The following UBOX5 variants were observed in gnomAD, a reference collection of about 807,000 sequenced individuals.
The protein encoded by UBOX5 is U-box domain containing 5, also known as RING finger protein 37.
Under a neutral mutation model 39.0 loss-of-function variants are expected in UBOX5, and 28 were observed. The ratio of observed to expected loss-of-function variants is 0.72; its 90% CI spans 0.53 to 0.98. UBOX5 has a LOEUF of 0.98. Ranked by LOEUF, UBOX5 falls within the 50% of genes least tolerant of loss-of-function variation. The pLI is 0.00. For synonymous variants in UBOX5, 283 were observed against 275.5 expected, an observed-to-expected ratio of 1.03 and a Z score of -0.27; for missense variants, 585 against 674.4, an observed-to-expected ratio of 0.87 and a Z score of 1.47.
At chr20:3,154,431 T>G (rs1488882772) in intron 1 of UBOX5, among the ~76,000 whole-genome samples, 1 of 152,336 alleles carries the variant, frequency 6.6e-6, no homozygotes, top group East Asian at 1.9e-4. Flanking sequence ...CCTGTAATCA[T>G]AGTACTCTGG....
chr20:3,143,446 G>T (rs931930180), intron 1 of UBOX5, among the ~76,000 whole-genome samples: 2 of 150,416 alleles, frequency 1.3e-5, no homozygotes, highest in East Asian at 2.0e-4. Flanking sequence ...ACTCATAAAA[G>T]AAGTTTTAAA....
chr20:3,133,042 A>G (rs8114052), intron 1 of UBOX5, among the ~76,000 whole-genome samples: 59,206 of 152,022 alleles, frequency 0.39, 11,634 homozygotes, highest in East Asian at 0.42. Context: ...TGAAGATCAA[A>G]TTGAAATATG....
Position 3,109,571 on chromosome 20 carries a change from TGTGA to T in UBOX5, c.*531_*534del. ...TGGGTGCAGGTGGGCGACAGGAGTG[TGTGA>T]CACAGACAGGCACTCCACCAGGAGG... On this transcript the variant is annotated 3_prime_UTR_variant, in exon 5 of 5. Coordinates refer to ENST00000217173, the MANE Select transcript of UBOX5 (RefSeq NM_014948.4). 1.1e-4 allele frequency: 19 copies of T among 171,510 alleles called. No homozygotes were observed. The highest frequency in any genetic ancestry group is 8.6e-4 in the South Asian group (6 of 6,954). 10.6% of individuals were successfully genotyped at this position (171,510 alleles called of 1,614,324 possible).
chr20:3,138,241 C>A (rs181271414), intron 1 of UBOX5, among the ~76,000 whole-genome samples: 310 of 150,686 alleles, frequency 2.1e-3, no homozygotes, highest in African/African-American at 7.2e-3. Context: ...CCACTGCACT[C>A]CATCCAGCCT....
At chr20:3,148,160 G>A in intron 1 of UBOX5, 1 of 1,613,772 alleles carries the variant, frequency 6.2e-7, no homozygotes, top group Non-Finnish European at 8.5e-7. Flanking sequence ...AAGGATCAAT[G>A]ATTCCAATTT....
rs146802009 is a variant in UBOX5, at chr20:3,136,708, T to C, written c.-41-13302A>G. Reference sequence around the variant, plus strand: ...TCTTGTTCTGTTGCCCAGGCTGGAGTGCAGTGGCATGATCTCAGCTCACTG... The same window carrying C: ...TCTTGTTCTGTTGCCCAGGCTGGAGCGCAGTGGCATGATCTCAGCTCACTG... On this transcript the variant is annotated intron_variant, in intron 1 of 4. Transcript: ENST00000217173. Among the ~76,000 whole-genome samples, 1,259 of 151,242 alleles carry C rather than the reference T, an allele frequency of 8.3e-3. 21 individuals carry two copies. Among genetic ancestry groups the C allele is most frequent in the African/African-American group, 0.029 (1,180 of 41,160 alleles).
intron 1 of UBOX5, among the ~76,000 whole-genome samples, chr20:3,145,594 A>G (rs1175405149): frequency 1.3e-5 from 2 of 151,956 alleles, no homozygotes; most frequent in Non-Finnish European, 2.9e-5. Context: ...GCACACCACC[A>G]CGCCTGGCTA....
At chr20:3,123,191 CTAAAG>C in intron 2 of UBOX5, 116 bp downstream of exon 2, 1 of 1,027,466 alleles carries the variant, frequency 9.7e-7, no homozygotes, top group Admixed American at 1.9e-5. Flanking sequence ...CTGATGGAAT[CTAAAG>C]TAACAAGAGC....
intron 3 of UBOX5, among the ~76,000 whole-genome samples, chr20:3,119,063 A>G (rs2066314890): frequency 1.3e-5 from 2 of 152,256 alleles, no homozygotes; most frequent in South Asian, 4.1e-4. Context: ...TTAATATTAT[A>G]AATAAGCAAT....
intron 1 of UBOX5, among the ~76,000 whole-genome samples, chr20:3,139,644 C>T (rs2066499780): frequency 1.3e-5 from 2 of 152,148 alleles, no homozygotes; most frequent in African/African-American, 4.8e-5. Flanking sequence ...AAACTCCTGA[C>T]CTCAGGTGAT....
chr20:3,148,141 TA>T, intron 1 of UBOX5: 4 of 1,613,842 alleles, frequency 2.5e-6, no homozygotes, highest in Non-Finnish European at 3.4e-6. Context: ...TGATCAAATC[TA>T]TATATTTAAG....
At chr20:3,118,938 CA>C (rs201266231) in intron 3 of UBOX5, among the ~76,000 whole-genome samples, 3 of 148,592 alleles carry the variant, frequency 2.0e-5, no homozygotes, top group Non-Finnish European at 3.0e-5. Context: ...GACTCCATCT[CA>C]AAAAAAAAGG....
In UBOX5 at chr20:3,109,356, A is replaced by G. The variant is rs2066235346; in HGVS notation, c.*750T>C. On this transcript the variant is annotated 3_prime_UTR_variant, in exon 5 of 5. Transcript: ENST00000217173. ...GCAGTTTCTGAAGCCAGCTGAGCAC[A>G]GCTGGCACTGGCCAGAGGGAGCCCT... 2 of 152,308 alleles carry G rather than the reference A, an allele frequency of 1.3e-5. No homozygotes were observed. The highest frequency in any genetic ancestry group is 4.1e-4 in the South Asian group (2 of 4,838). 9.4% of individuals were successfully genotyped at this position (152,308 alleles called of 1,614,324 possible).
chr20:3,158,170 T>G (rs1200427495), intron 1 of UBOX5, among the ~76,000 whole-genome samples: 1 of 152,104 alleles, frequency 6.6e-6, no homozygotes, highest in African/African-American at 2.4e-5. Context: ...AGTTTCCCTA[T>G]GTTGCCCCCA....
chr20:3,152,240 G>A (rs2066636252), intron 1 of UBOX5, among the ~76,000 whole-genome samples: 1 of 151,912 alleles, frequency 6.6e-6, no homozygotes, highest in Non-Finnish European at 1.5e-5. Context: ...CAGCACTTTG[G>A]GAGGCTGAGG....
At chr20:3,116,905 G>A (rs1238490282) in intron 3 of UBOX5, among the ~76,000 whole-genome samples, 1 of 152,038 alleles carries the variant, frequency 6.6e-6, no homozygotes, top group Non-Finnish European at 1.5e-5. Flanking sequence ...AGACCAGCCT[G>A]GTCAACATGG....
At chr20:3,113,426 G>A (rs970394488) in intron 4 of UBOX5, among the ~76,000 whole-genome samples, 1 of 152,104 alleles carries the variant, frequency 6.6e-6, no homozygotes, top group Non-Finnish European at 1.5e-5. Context: ...CTAAGTTCAG[G>A]GGATGCCATG....
intron 3 of UBOX5, among the ~76,000 whole-genome samples, 183 bp from the exon 4 acceptor site, chr20:3,115,649 C>G (rs539965976): frequency 6.6e-6 from 1 of 152,014 alleles, no homozygotes; most frequent in Non-Finnish European, 1.5e-5. Flanking sequence ...CTAGGAACAC[C>G]GGCAGTTCCT....
chr20:3,147,200 C>G (rs761535928), intron 1 of UBOX5: 2 of 1,614,080 alleles, frequency 1.2e-6, no homozygotes, highest in South Asian at 2.2e-5. Flanking sequence ...ATCTGTAAGG[C>G]TGACTCCCAC....
Sources: allele counts gnomAD v4.1 joint callset (sites outside exome capture counted in the v4.1 genomes callset), GRCh38; gene constraint gnomAD v4.1.1; transcripts MANE v1.5; gene names NCBI Gene and HGNC (gene_info 2026-07-23, HGNC 2026-07-21).